ADAMTSL3: variants seen among roughly 807,000 people sequenced by gnomAD.
ADAMTSL3 encodes ADAMTS-like protein 3.
ADAMTSL3 carries 128 observed loss-of-function variants against 201.7 expected under a neutral mutation model. The observed-to-expected ratio is 0.63, with a 90% confidence interval of 0.55 to 0.73. The LOEUF (loss-of-function observed/expected upper bound fraction) is 0.73. Ranked by LOEUF, ADAMTSL3 falls within the 30% of genes least tolerant of loss-of-function variation. The pLI, the probability that ADAMTSL3 is intolerant of heterozygous loss-of-function variation, is 0.00. For synonymous variants in ADAMTSL3, 738 were observed against 748.4 expected, an observed-to-expected ratio of 0.99 and a Z score of 0.23; for missense variants, 1,990 against 2,119.6, an observed-to-expected ratio of 0.94 and a Z score of 1.20.
chr15:83,900,533 A>T (rs1244617843), intron 15 of ADAMTSL3, among the ~76,000 whole-genome samples: 1 of 152,370 alleles, frequency 6.6e-6, no homozygotes, highest in East Asian at 1.9e-4. Flanking sequence ...TTCCATGTCA[A>T]ACATGTTAAG....
intron 15 of ADAMTSL3, among the ~76,000 whole-genome samples, chr15:83,910,635 CTTTT>C (rs3044681): frequency 6.1e-5 from 8 of 131,152 alleles, no homozygotes; most frequent in Admixed American, 2.3e-4. Flanking sequence ...TTAGGTGAAC[CTTTT>C]TTTTTTTTTT....
intron 3 of ADAMTSL3, among the ~76,000 whole-genome samples, chr15:83,743,407 G>T (rs1338596229): frequency 1.3e-5 from 2 of 151,570 alleles, no homozygotes; most frequent in Non-Finnish European, 2.9e-5. Context: ...CAGCTACTCG[G>T]GAGGCTGAGG....
chr15:83,969,359 G>A (rs778656053), intron 19 of ADAMTSL3, among the ~76,000 whole-genome samples: 7 of 152,088 alleles, frequency 4.6e-5, no homozygotes, highest in Admixed American at 1.3e-4. Context: ...CAGGAGAATC[G>A]CTTGAATCTG....
At chr15:83,996,647 G>A (rs1158972404) in intron 23 of ADAMTSL3, among the ~76,000 whole-genome samples, 1 of 151,822 alleles carries the variant, frequency 6.6e-6, no homozygotes, top group Non-Finnish European at 1.5e-5. Flanking sequence ...TGGGCGTGGT[G>A]GTGGGTGCCT....
chr15:83,957,944 T>C (rs2066891733), intron 19 of ADAMTSL3, among the ~76,000 whole-genome samples: 1 of 152,134 alleles, frequency 6.6e-6, no homozygotes. Flanking sequence ...ATCATGGTAG[T>C]AGCATAGTTA....
chr15:83,704,771 C>T (rs889163958), intron 3 of ADAMTSL3, among the ~76,000 whole-genome samples: 5 of 152,164 alleles, frequency 3.3e-5, no homozygotes, highest in Admixed American at 1.3e-4. Flanking sequence ...TGGATTTGTT[C>T]ATCTCAGCTA....
intron 19 of ADAMTSL3, among the ~76,000 whole-genome samples, chr15:83,966,368 T>A (rs1334564097): frequency 7.2e-5 from 11 of 151,968 alleles, no homozygotes; most frequent in Admixed American, 7.2e-4. Flanking sequence ...CCCACAGAAA[T>A]ACAAACTATC....
At chr15:83,810,440 A>G (rs1294713812) in intron 5 of ADAMTSL3, among the ~76,000 whole-genome samples, 1 of 152,198 alleles carries the variant, frequency 6.6e-6, no homozygotes. Flanking sequence ...TCAGAGTTCT[A>G]CCACCTTTTT....
At chr15:83,873,563 G>A (rs529280114) in intron 9 of ADAMTSL3, among the ~76,000 whole-genome samples, 1 of 144,290 alleles carries the variant, frequency 6.9e-6, no homozygotes, top group East Asian at 2.3e-4. Context: ...TTTTTTTGTA[G>A]AGACAGAGTC....
intron 9 of ADAMTSL3, among the ~76,000 whole-genome samples, chr15:83,882,519 GT>G (rs1190929778): frequency 3.3e-5 from 5 of 152,124 alleles, no homozygotes; most frequent in African/African-American, 9.6e-5. Flanking sequence ...ATTTATATTA[GT>G]TCTTAGGTAC....
intron 3 of ADAMTSL3, among the ~76,000 whole-genome samples, chr15:83,751,612 C>T (rs892812609): frequency 2.0e-5 from 3 of 152,040 alleles, no homozygotes; most frequent in African/African-American, 7.2e-5. Context: ...CCAGGAAATT[C>T]GATGTATATG....
chr15:83,828,127 A>G (rs1467186444), intron 6 of ADAMTSL3, among the ~76,000 whole-genome samples: 9 of 152,118 alleles, frequency 5.9e-5, no homozygotes, highest in South Asian at 2.1e-4. Flanking sequence ...CAGTATGGCC[A>G]TTTTCACGAT....
At chr15:84,013,318 A>G (rs963618253) in intron 23 of ADAMTSL3, among the ~76,000 whole-genome samples, 3 of 152,246 alleles carry the variant, frequency 2.0e-5, no homozygotes, top group African/African-American at 7.2e-5. Context: ...TTCATGGAGC[A>G]CGCATTTTGC....
At chr15:83,848,021 C>A (rs2064536413) in intron 7 of ADAMTSL3, among the ~76,000 whole-genome samples, 2 of 150,722 alleles carry the variant, frequency 1.3e-5, no homozygotes, top group African/African-American at 4.9e-5. Flanking sequence ...TTTAAAAAAA[C>A]TACTTTATGC....
intron 3 of ADAMTSL3, among the ~76,000 whole-genome samples, chr15:83,737,541 T>C (rs2062387781): frequency 6.6e-6 from 1 of 152,196 alleles, no homozygotes; most frequent in South Asian, 2.1e-4. Context: ...CTGCCATGCT[T>C]ATAAGTTTCC....
At chr15:83,822,458 G>C (rs1353858162) in intron 6 of ADAMTSL3, among the ~76,000 whole-genome samples, 3 of 142,818 alleles carry the variant, frequency 2.1e-5, no homozygotes, top group Non-Finnish European at 4.5e-5. Context: ...GCCAGGCGGA[G>C]GGTCTCCTCA....
Position 83,996,667 on chromosome 15 carries a change from G to C in ADAMTSL3, c.3973+5453G>C, listed in dbSNP as rs2067692164. 2.7e-5 allele frequency among the ~76,000 whole-genome samples: 4 copies of C among 150,678 alleles called. No homozygotes were observed. In the Admixed American group the frequency reaches 2.7e-4, roughly 10 times the overall value. Reference sequence around the variant, plus strand: ...GTGGTGGTGGGTGCCTGTAGTCCCAGCTACTTGGGAGGCTGAGGCAGGAGA... The same window carrying C: ...GTGGTGGTGGGTGCCTGTAGTCCCACCTACTTGGGAGGCTGAGGCAGGAGA... On this transcript the variant is annotated intron_variant, in intron 23 of 29. Transcript: ENST00000286744.
intron 23 of ADAMTSL3, among the ~76,000 whole-genome samples, chr15:83,993,140 C>T (rs1261223775): frequency 8.5e-5 from 13 of 152,194 alleles, no homozygotes; most frequent in Admixed American, 7.2e-4. Flanking sequence ...TGGGCAGAAG[C>T]CATACCTAAT....
At chr15:83,959,981 C>T (rs1347881693) in intron 19 of ADAMTSL3, among the ~76,000 whole-genome samples, 1 of 152,092 alleles carries the variant, frequency 6.6e-6, no homozygotes, top group East Asian at 1.9e-4. Flanking sequence ...TATTTAACCA[C>T]TTTTATATGA....
Sources: allele counts gnomAD v4.1 joint callset (sites outside exome capture counted in the v4.1 genomes callset), GRCh38; gene constraint gnomAD v4.1.1; transcripts MANE v1.5; gene names NCBI Gene and HGNC (gene_info 2026-07-23, HGNC 2026-07-21).